CDYL2: variants seen among roughly 807,000 people sequenced by gnomAD.
CDYL2 encodes chromodomain Y-like protein 2.
A neutral mutation model predicts 49.4 loss-of-function variants in CDYL2; 23 were observed. That is an observed-to-expected ratio of 0.47 (90% CI 0.34 to 0.66). The LOEUF is 0.66. Among genes scored for constraint, CDYL2 ranks in the 30% least tolerant of loss-of-function variants. The probability of loss-of-function intolerance (pLI) is 0.01; values close to 1 mark genes in which losing one functional copy is unlikely to be tolerated. For synonymous variants in CDYL2, 360 were observed against 268.8 expected (o/e 1.34, Z -3.32); for missense variants, 678 against 656.4 (o/e 1.03, Z -0.36).
At chr16:80,731,058 T>A (rs2142538902) in intron 1 of CDYL2, among the ~76,000 whole-genome samples, 1 of 152,330 alleles carries the variant, frequency 6.6e-6, no homozygotes, top group East Asian at 1.9e-4. Context: ...AGGTAAAATA[T>A]GTCAAAGCTT....
intron 3 of CDYL2, among the ~76,000 whole-genome samples, chr16:80,622,741 GA>G (rs1265526044): frequency 1.3e-5 from 2 of 152,086 alleles, no homozygotes; most frequent in African/African-American, 4.8e-5. Context: ...AGGCACCTGT[GA>G]AAACCATTTA....
At chr16:80,749,324 G>C (rs962271417) in intron 1 of CDYL2, among the ~76,000 whole-genome samples, 2 of 152,088 alleles carry the variant, frequency 1.3e-5, no homozygotes, top group Non-Finnish European at 2.9e-5. Flanking sequence ...TAAAGCAGTT[G>C]GTCACCTGCC....
chr16:80,768,714 C>T (rs1415621595), intron 1 of CDYL2, among the ~76,000 whole-genome samples: 1 of 152,166 alleles, frequency 6.6e-6, no homozygotes, highest in Non-Finnish European at 1.5e-5. Flanking sequence ...AGTAATCTGG[C>T]TTCCTGGATG....
At chr16:80,685,884 G>C (rs1233033092) in intron 1 of CDYL2, among the ~76,000 whole-genome samples, 2 of 152,102 alleles carry the variant, frequency 1.3e-5, no homozygotes, top group African/African-American at 4.8e-5. Flanking sequence ...ATCTTCCACA[G>C]TGACCAAAAA....
At chr16:80,671,088 T>A (rs1481658385) in intron 2 of CDYL2, 1 of 435,094 alleles carries the variant, frequency 2.3e-6, no homozygotes, top group African/African-American at 2.0e-5. Flanking sequence ...CCGCAGCCCC[T>A]ACCAAATCTC....
intron 1 of CDYL2, among the ~76,000 whole-genome samples, chr16:80,689,177 A>G (rs1910314797): frequency 6.6e-6 from 1 of 152,258 alleles, no homozygotes; most frequent in African/African-American, 2.4e-5. Flanking sequence ...ACTATTCCTC[A>G]GAGTTCAATC....
chr16:80,608,191 C>T lies in CDYL2; in HGVS notation c.1263G>A (p.Glu421=), dbSNP rs745833710. 2 of 1,598,292 alleles carry T rather than the reference C, an allele frequency of 1.3e-6. No homozygotes were observed. The highest frequency in any genetic ancestry group is 1.7e-6 in the Non-Finnish European group (2 of 1,172,304). The change falls in exon 6 of 7, where the codon GAG becomes GAA. Residue 421 remains glutamate (E), a synonymous_variant. Transcript: ENST00000570137. The stretch of plus-strand genomic sequence containing the variant: ...GCGACACCAGCCCCCTGCTGCAGGC[C>T]TCCTGGGCGGTGAGCTTCCGCCCAC... ...LFCGRKLTAQ[E]ACSRGLVSQV... is the part of the protein sequence containing the mutation.
At chr16:80,714,609 T>A (rs935972161) in intron 1 of CDYL2, among the ~76,000 whole-genome samples, 2 of 152,168 alleles carry the variant, frequency 1.3e-5, no homozygotes, top group African/African-American at 4.8e-5. Context: ...CCACAAGTTA[T>A]GGTCACCTCA....
chr16:80,804,260 TGTGTGTGCGCGC>T lies in CDYL2; in HGVS notation c.-99_-88del. On this transcript the variant is annotated 5_prime_UTR_variant, in exon 1 of 7. Coordinates refer to ENST00000570137, the MANE Select transcript of CDYL2 (RefSeq NM_152342.4). ...GTGCGCGCGGGGTCCGGTGTGCGCG[TGTGTGTGCGCGC>T]GTGTGTGTGCGAGTGTGTGTGGTGT... 2 of 1,187,092 alleles carry T rather than the reference TGTGTGTGCGCGC, an allele frequency of 1.7e-6. No homozygotes were observed. The highest frequency in any genetic ancestry group is 2.2e-6 in the Non-Finnish European group (2 of 900,652). 73.5% of individuals were successfully genotyped at this position (1,187,092 alleles called of 1,614,324 possible). A position where few individuals can be genotyped will look rare whatever the true frequency, so the allele number is the denominator to read the frequency against.
intron 1 of CDYL2, among the ~76,000 whole-genome samples, chr16:80,796,683 T>G (rs1012382891): frequency 6.6e-6 from 1 of 152,200 alleles, no homozygotes; most frequent in Non-Finnish European, 1.5e-5. Flanking sequence ...AGAGAGTGTA[T>G]AGAACTAGAA....
At chr16:80,736,874 C>T (rs1905550868) in intron 1 of CDYL2, among the ~76,000 whole-genome samples, 3 of 152,222 alleles carry the variant, frequency 2.0e-5, no homozygotes, top group Admixed American at 2.0e-4. Context: ...GAACTGTTCA[C>T]TTGCACATGG....
intron 1 of CDYL2, among the ~76,000 whole-genome samples, chr16:80,690,660 C>T (rs1279440274): frequency 6.6e-6 from 1 of 152,172 alleles, no homozygotes; most frequent in Admixed American, 6.5e-5. Context: ...TGGGTCCAAC[C>T]TGACCAAGGC....
intron 2 of CDYL2, among the ~76,000 whole-genome samples, chr16:80,681,002 G>A (rs934838177): frequency 2.0e-5 from 3 of 151,920 alleles, no homozygotes; most frequent in African/African-American, 2.4e-5. Flanking sequence ...TGCTGCACAC[G>A]CCCCACAAAC....
intron 2 of CDYL2, among the ~76,000 whole-genome samples, chr16:80,641,916 AAAAG>A (rs989382171): frequency 2.6e-5 from 4 of 152,262 alleles, no homozygotes; most frequent in Admixed American, 2.6e-4. Flanking sequence ...AATAAAAAAA[AAAAG>A]AAAGAAATCA....
chr16:80,743,904 G>C (rs534756993), intron 1 of CDYL2, among the ~76,000 whole-genome samples: 36 of 152,272 alleles, frequency 2.4e-4, no homozygotes, highest in Non-Finnish European at 4.7e-4. Context: ...GTGGTAAAGA[G>C]ATCACTTAGT....
At chr16:80,653,973 T>A (rs1908696281) in intron 2 of CDYL2, among the ~76,000 whole-genome samples, 3 of 152,160 alleles carry the variant, frequency 2.0e-5, no homozygotes, top group African/African-American at 7.2e-5. Context: ...TGAGCCATCT[T>A]CCTCATGCAT....
At chr16:80,671,152 C>T (rs1421009550) in intron 2 of CDYL2, among the ~76,000 whole-genome samples, 2 of 152,162 alleles carry the variant, frequency 1.3e-5, no homozygotes, top group Non-Finnish European at 2.9e-5. Context: ...TTATTAATAG[C>T]TCTCCAGGGA....
At chr16:80,634,076 C>T (rs570583192) in intron 2 of CDYL2, among the ~76,000 whole-genome samples, 10 of 147,722 alleles carry the variant, frequency 6.8e-5, no homozygotes, top group African/African-American at 1.8e-4. Flanking sequence ...CAAATACCTC[C>T]GTCCAAAAAA....
intron 2 of CDYL2, among the ~76,000 whole-genome samples, chr16:80,668,240 G>C (rs1342344931): frequency 1.3e-5 from 2 of 152,170 alleles, no homozygotes; most frequent in African/African-American, 4.8e-5. Flanking sequence ...AGTCAAAAAA[G>C]AAATTGCAGG....
Sources: allele counts gnomAD v4.1 joint callset (sites outside exome capture counted in the v4.1 genomes callset), GRCh38; gene constraint gnomAD v4.1.1; transcripts MANE v1.5; gene names NCBI Gene and HGNC (gene_info 2026-07-23, HGNC 2026-07-21).